Variants in WDR4 observed in about 807,000 individuals in gnomAD.
WDR4 encodes the protein WDR4 tRNA N7-guanosine methyltransferase non-catalytic subunit.
WDR4 carries 47 observed loss-of-function variants against 48.6 expected under a neutral mutation model. The observed-to-expected ratio is 0.97, with a 90% CI of 0.77 to 1.23. The LOEUF (loss-of-function observed/expected upper bound fraction) is 1.23. Among genes scored for constraint, WDR4 ranks in the 50% most tolerant of loss-of-function variants. The probability of loss-of-function intolerance (pLI) is 0.00; values close to 1 mark genes in which losing one functional copy is unlikely to be tolerated. For missense variants in WDR4, 606 were observed against 551.6 expected (o/e 1.10, Z -0.99); for synonymous variants, 268 against 230.0 (o/e 1.17, Z -1.49).
At chr21:42,876,904 C>A in intron 1 of WDR4, 137 bp from the exon 2 acceptor site, 1 of 661,044 alleles carries the variant, frequency 1.5e-6, no homozygotes, top group Non-Finnish European at 2.4e-6. Context: ...CCGCAACCTC[C>A]GCCTCCCAGG....
chr21:42,850,393 T>G, intron 10 of WDR4, 151 bp from the exon 11 acceptor site: 1 of 627,084 alleles, frequency 1.6e-6, no homozygotes, highest in Non-Finnish European at 2.7e-6. Context: ...CTCCCCACGG[T>G]GCCCACCTCC....
At chr21:42,844,923 G>T (rs915927252), downstream of WDR4, among the ~76,000 whole-genome samples, 2 of 152,206 alleles carry the variant, frequency 1.3e-5, no homozygotes, top group African/African-American at 4.8e-5. Context: ...AACCAGGAGG[G>T]CAGGCCCCTC....
intron 6 of WDR4, among the ~76,000 whole-genome samples, chr21:42,857,314 A>G (rs1310219704): frequency 1.3e-5 from 2 of 152,026 alleles, no homozygotes; most frequent in Admixed American, 6.5e-5. Flanking sequence ...CGGGACACTG[A>G]CCACCCAGAA....
At chr21:42,873,220 G>A (rs1468407801) in intron 3 of WDR4, among the ~76,000 whole-genome samples, 1 of 152,220 alleles carries the variant, frequency 6.6e-6, no homozygotes, top group Non-Finnish European at 1.5e-5. Context: ...ACAGAGGACT[G>A]CCCTGGAAAA....
rs757159644 is a variant in WDR4, at chr21:42,849,394, G to T, written c.*655C>A. 2.6e-5 allele frequency: 4 copies of T among 152,230 alleles called. No homozygotes were observed. Among genetic ancestry groups the T allele is most frequent in the Admixed American group, 1.3e-4 (2 of 15,264 alleles). 9.4% of individuals were successfully genotyped at this position (152,230 alleles called of 1,614,324 possible). On this transcript the variant is annotated 3_prime_UTR_variant, in exon 11 of 11. Coordinates refer to ENST00000398208, the MANE Select transcript of WDR4 (RefSeq NM_018669.6). ...CCTCAATCACCTCCCTGTAAACCGGGTGCCAGCCAGGCCCGTGCTCACACT... is the reference window on the plus strand; with the variant it reads ...CCTCAATCACCTCCCTGTAAACCGGTTGCCAGCCAGGCCCGTGCTCACACT...
At chr21:42,858,820 A>G (rs768605741) in intron 6 of WDR4, among the ~76,000 whole-genome samples, 55 of 152,318 alleles carry the variant, frequency 3.6e-4, no homozygotes, top group Non-Finnish European at 6.8e-4. Flanking sequence ...AATGAAGCCC[A>G]ATCAGAGAAG....
the WDR4 span, among the ~76,000 whole-genome samples, chr21:42,886,346 T>C: frequency 6.6e-6 from 1 of 152,028 alleles, no homozygotes; most frequent in Non-Finnish European, 1.5e-5. Flanking sequence ...AATATTATCA[T>C]CTTATTCAGA....
At position 42,873,618 on chromosome 21, in the gene WDR4, C is replaced by T. The variant is rs1161970791; in HGVS notation, c.229G>A (p.Ala77Thr). The T allele has an allele frequency of 1.9e-6, 3 of 1,614,038 alleles. No individual in the cohort carries two copies. In the African/African-American group the frequency reaches 4.0e-5, roughly 22 times the overall value. Residue 77 changes from alanine to threonine, a missense_variant, in exon 3 of 11, where the codon GCT becomes ACT. Transcript: ENST00000398208. ...AGACGCTTACTGTCATCGGTTAAAG[C>T]AAAATAGCTGCCAGACTTGGAGAAG... is the stretch of plus-strand genomic sequence containing the variant. ...STFSKSGSYF[A>T]LTDDSKRLIL... is the part of the protein sequence containing the mutation.
chr21:42,888,481 C>G, the WDR4 span, among the ~76,000 whole-genome samples: 3 of 151,992 alleles, frequency 2.0e-5, no homozygotes, highest in Non-Finnish European at 4.4e-5. Flanking sequence ...ATCACCTGAG[C>G]CTGAGAAAGT....
chr21:42,861,550 G>A (rs557231813), intron 5 of WDR4, among the ~76,000 whole-genome samples: 1 of 152,218 alleles, frequency 6.6e-6, no homozygotes, highest in African/African-American at 2.4e-5. Flanking sequence ...GGGCCGGGGG[G>A]CTGCAGGCCA....
In WDR4 at chr21:42,863,231, C is replaced by T. The variant is rs74551948; in HGVS notation, c.453+209G>A. ...TGCTACGGGGGAGCCCCATTCTCCC[C>T]ACCAAACGCTGGGGCACAGACCGGG... On this transcript the variant is annotated intron_variant, in intron 4 of 10. Coordinates refer to ENST00000398208, the MANE Select transcript of WDR4 (RefSeq NM_018669.6). Among the ~76,000 whole-genome samples the T allele has an allele frequency of 2.1e-3, 326 of 152,334 alleles. 6 individuals are homozygous for T. In the East Asian group the frequency reaches 0.048, roughly 22 times the overall value.
Position 42,862,310 on chromosome 21 carries a change from T to C in WDR4, c.538A>G (p.Ile180Val), listed in dbSNP as rs2058136259. 4.3e-6 allele frequency: 7 copies of C among 1,611,042 alleles called. No individual in the cohort carries two copies. The South Asian group carries it at 5.5e-5, about 13-fold the overall frequency. ...RVSWAAAPHS[I>V]ESFCLGHTEF... The stretch of plus-strand genomic sequence containing the variant: ...GTGTGCCCCAAGCAGAAGGACTCGA[T>C]GCTATGGGGCGCCGCGGCCCAGCTG... Residue 180 changes from isoleucine to valine, a missense_variant, in exon 5 of 11, where the codon ATC becomes GTC. Ile to Val is a conservative substitution (Grantham distance 29). Transcript: ENST00000398208. This position sits in a 1 kb window ranked among gnomAD's most constrained non-coding sequence, Gnocchi z 4.3.
chr21:42,888,010 T>C, the WDR4 span, among the ~76,000 whole-genome samples: 2 of 152,232 alleles, frequency 1.3e-5, no homozygotes, highest in Non-Finnish European at 1.5e-5. Context: ...TAGTAAATGA[T>C]AAAATTAGTA....
intron 10 of WDR4, among the ~76,000 whole-genome samples, chr21:42,851,105 A>G (rs1362029445): frequency 6.6e-6 from 1 of 152,192 alleles, no homozygotes; most frequent in Non-Finnish European, 1.5e-5. Context: ...GGAACATCTC[A>G]GGAGAGCGAG....
rs1382375892 is a variant in WDR4, at chr21:42,859,665, AGAG to A, written c.621_623del (p.Ser208del). The A allele has an allele frequency of 1.5e-6, 2 of 1,304,698 alleles. No individual in the cohort carries two copies. Among genetic ancestry groups the A allele is most frequent in the African/African-American group, 1.7e-5 (1 of 60,208 alleles). The allele number at this position is 1,304,698 out of a possible 1,614,324, so 80.8% of individuals were successfully genotyped here. On this transcript the variant is annotated inframe_deletion, in exon 6 of 11. Transcript: ENST00000398208. ...TGACGCTGGGCAGAACACTTACCCC[AGAG>A]GAGGACAGAAGCAGCCCGGGCTGAG... is the stretch of plus-strand genomic sequence containing the variant.
At chr21:42,845,554 G>C (rs188824624), downstream of WDR4, among the ~76,000 whole-genome samples, 1 of 152,278 alleles carries the variant, frequency 6.6e-6, no homozygotes, top group East Asian at 1.9e-4. Flanking sequence ...CAAGGTTTTG[G>C]TAAGGTGGCC....
At chr21:42,852,200 T>G in intron 10 of WDR4, 55 bp downstream of exon 10, 1 of 1,595,132 alleles carries the variant, frequency 6.3e-7, no homozygotes, top group Non-Finnish European at 8.6e-7. Context: ...TTCTGCTTTC[T>G]CTGGGGACCG....
At chr21:42,863,702 T>C in intron 3 of WDR4, 106 bp from the exon 4 acceptor site, 1 of 1,301,524 alleles carries the variant, frequency 7.7e-7, no homozygotes, top group South Asian at 1.5e-5. Context: ...CCTGGCCATA[T>C]GCTCTGTTTT....
At chr21:42,880,670 C>T (rs3761379), upstream of WDR4, among the ~76,000 whole-genome samples, 91,254 of 151,988 alleles carry the variant, frequency 0.6, 28,167 homozygotes, top group African/African-American at 0.71. Context: ...CAGCACAGCT[C>T]TTGCCTCTGC....
Sources: allele counts gnomAD v4.1 joint callset (sites outside exome capture counted in the v4.1 genomes callset), GRCh38; gene constraint gnomAD v4.1.1; non-coding constraint Gnocchi (gnomAD v3.1); transcripts MANE v1.5; gene names NCBI Gene and HGNC (gene_info 2026-07-23, HGNC 2026-07-21).